Variants in ASF1A observed in about 807,000 individuals in gnomAD.
ASF1A encodes the protein histone chaperone ASF1A.
Under a neutral mutation model 22.0 loss-of-function variants are expected in ASF1A, and 5 were observed. The ratio of observed to expected loss-of-function variants is 0.23; its 90% CI spans 0.12 to 0.48. The LOEUF (loss-of-function observed/expected upper bound fraction) is 0.48. Ranked by LOEUF, ASF1A falls within the 20% of genes least tolerant of loss-of-function variation. ASF1A has a pLI of 0.99. For synonymous variants in ASF1A, 97 were observed against 86.7 expected (o/e 1.12, Z -0.66); for missense variants, 137 against 240.6 (o/e 0.57, Z 2.85).
chr6:118,894,723 T>C (rs1779231509), intron 1 of ASF1A, among the ~76,000 whole-genome samples: 1 of 152,204 alleles, frequency 6.6e-6, no homozygotes, highest in South Asian at 2.1e-4. Context: ...CCTGCCGGGC[T>C]CAACTTGCGA....
At position 118,896,632 on chromosome 6, in the gene ASF1A, A is replaced by G. The variant is rs138552192; in HGVS notation, c.109+2110A>G. Among the ~76,000 whole-genome samples the G allele has an allele frequency of 4.0e-3, 611 of 152,302 alleles. 6 individuals are homozygous for G. The highest frequency in any genetic ancestry group is 0.014 in the African/African-American group (563 of 41,566). On this transcript the variant is annotated intron_variant, in intron 1 of 3. Coordinates refer to ENST00000229595, the MANE Select transcript of ASF1A (RefSeq NM_014034.3). ...CACTTCCTAGGCACCATTACTGAGC[A>G]TTTATTTAGTATTTTAAAAAATATT...
At chr6:118,904,554 A>T (rs1780040439) in intron 2 of ASF1A, among the ~76,000 whole-genome samples, 1 of 152,102 alleles carries the variant, frequency 6.6e-6, no homozygotes, top group African/African-American at 2.4e-5. Flanking sequence ...TCTCATTACT[A>T]CCTGCACCCT....
intron 3 of ASF1A, 107 bp downstream of exon 3, chr6:118,905,935 A>G: frequency 1.2e-6 from 1 of 819,552 alleles, no homozygotes; most frequent in Non-Finnish European, 1.8e-6. Context: ...AGATAAAATA[A>G]ATATGAGGTC....
intron 2 of ASF1A, among the ~76,000 whole-genome samples, chr6:118,902,053 A>G (rs1779827075): frequency 6.6e-6 from 1 of 152,236 alleles, no homozygotes; most frequent in Non-Finnish European, 1.5e-5. Context: ...AATTTACTGT[A>G]TCTAAAGAAA....
intron 3 of ASF1A, 74 bp downstream of exon 3, chr6:118,905,902 A>G: frequency 8.8e-7 from 1 of 1,133,200 alleles, no homozygotes. Context: ...GCAATTTCAT[A>G]GTATACTATT....
intron 2 of ASF1A, among the ~76,000 whole-genome samples, chr6:118,903,566 A>G (rs532957265): frequency 5.9e-5 from 9 of 152,350 alleles, no homozygotes; most frequent in African/African-American, 2.2e-4. Flanking sequence ...ATTTGTGACA[A>G]GAAATATCAG....
Position 118,908,771 on chromosome 6 carries a change from A to G in ASF1A, c.*1157A>G, listed in dbSNP as rs1248433781. ...AAAAAATTTTCTTATGCTCCATAAA[A>G]TTGAGGTAGAATATTTTCATTATTC... On this transcript the variant is annotated 3_prime_UTR_variant, in exon 4 of 4. Coordinates refer to ENST00000229595, the MANE Select transcript of ASF1A (RefSeq NM_014034.3). 6.6e-6 allele frequency: 1 copy of G among 152,630 alleles called. No homozygotes were observed. Among genetic ancestry groups the G allele is most frequent in the Non-Finnish European group, 1.5e-5 (1 of 68,022 alleles). 9.5% of individuals were successfully genotyped at this position (152,630 alleles called of 1,614,324 possible). A position where few individuals can be genotyped will look rare whatever the true frequency, so the allele number is the denominator to read the frequency against.
At chr6:118,907,226 C>A (rs1780242797) in intron 3 of ASF1A, among the ~76,000 whole-genome samples, 176 bp from the exon 4 acceptor site, 2 of 152,148 alleles carry the variant, frequency 1.3e-5, no homozygotes, top group South Asian at 4.1e-4. Flanking sequence ...TTTGCTACAG[C>A]CCTAGTCGTT....
intron 3 of ASF1A, 40 bp from the exon 4 acceptor site, chr6:118,907,362 T>G: frequency 4.3e-6 from 6 of 1,409,068 alleles, no homozygotes; most frequent in Non-Finnish European, 5.9e-6. Flanking sequence ...GATTTAACTT[T>G]CTTAGTGTTT....
Position 118,900,897 on chromosome 6 carries a change from G to C in ASF1A, c.225+16G>C, listed in dbSNP as rs1562430473. ...TGTATTTCAGGTAAGATTAATCTTG[G>C]TAAATGTGTATGCCAAATATGTTTC... On this transcript the variant is annotated intron_variant, in intron 2 of 3. Coordinates refer to ENST00000229595, the MANE Select transcript of ASF1A (RefSeq NM_014034.3). 6.7e-7 allele frequency: 1 copy of C among 1,502,646 alleles called. No individual in the cohort carries two copies. The highest frequency in any genetic ancestry group is 9.3e-7 in the Non-Finnish European group (1 of 1,078,182). 93.1% of individuals were successfully genotyped at this position (1,502,646 alleles called of 1,614,324 possible). A position where few individuals can be genotyped will look rare whatever the true frequency, so the allele number is the denominator to read the frequency against.
chr6:118,900,714 C>A (rs1779749210), intron 1 of ASF1A, 52 bp from the exon 2 acceptor site: 1 of 1,276,694 alleles, frequency 7.8e-7, no homozygotes, highest in Non-Finnish European at 1.1e-6. Context: ...TTGATGTCAT[C>A]TGGTAATGTA....
Position 118,905,654 on chromosome 6 carries a change from T to G in ASF1A, c.228T>G (p.Ala76=), listed in dbSNP as rs1418283929. ...CTTTTCTTTTTAATTTATTCTAGGC[T>G]GATGCACCTAATCCAGGACTCATTC... ...PAGRHMFVFQ[A]DAPNPGLIPD... The change falls in exon 3 of 4, where the codon GCT becomes GCG. Residue 76 remains alanine, a splice_region_variant and synonymous_variant. Transcript: ENST00000229595. The G allele has an allele frequency of 6.2e-7, 1 of 1,606,262 alleles. No individual in the cohort carries two copies. Among genetic ancestry groups the G allele is most frequent in the African/African-American group, 1.3e-5 (1 of 74,732 alleles).
At chr6:118,896,062 CTATA>C (rs1357529767) in intron 1 of ASF1A, among the ~76,000 whole-genome samples, 3 of 147,600 alleles carry the variant, frequency 2.0e-5, no homozygotes, top group Non-Finnish European at 4.5e-5. Flanking sequence ...TTTTTTAAAC[CTATA>C]TAGAGCATAA....
At chr6:118,894,816 T>C (rs1370069122) in intron 1 of ASF1A, among the ~76,000 whole-genome samples, 1 of 152,130 alleles carries the variant, frequency 6.6e-6, no homozygotes, top group Admixed American at 6.5e-5. Flanking sequence ...CCGCACTCGC[T>C]CCCGCTGCGC....
rs1193525919 is a variant in ASF1A at position 118,903,852 on chromosome 6, G to GTAATC, written c.226-1800_226-1799insTAATC. Among the ~76,000 whole-genome samples, 43 of 152,232 alleles carry GTAATC rather than the reference G, an allele frequency of 2.8e-4. 1 individual carries two copies. Among genetic ancestry groups the GTAATC allele is most frequent in the African/African-American group, 9.9e-4 (41 of 41,542 alleles). On this transcript the variant is annotated intron_variant, in intron 2 of 3. Coordinates refer to ENST00000229595, the MANE Select transcript of ASF1A (RefSeq NM_014034.3). Reference sequence around the variant, plus strand: ...TCCACCCACCTTAGCCTCCCAAAGTGCTAGGATTACAGGCGTGAGCCACCG... The same window carrying GTAATC: ...TCCACCCACCTTAGCCTCCCAAAGTGTAATCCTAGGATTACAGGCGTGAGCCACCG...
chr6:118,904,439 A>G, intron 2 of ASF1A, among the ~76,000 whole-genome samples: 1 of 152,184 alleles, frequency 6.6e-6, no homozygotes, highest in East Asian at 1.9e-4. Flanking sequence ...GCAACAGGTA[A>G]GCTAATTTGC....
intron 2 of ASF1A, among the ~76,000 whole-genome samples, chr6:118,904,615 C>CA (rs1256627561): frequency 6.6e-6 from 1 of 152,222 alleles, no homozygotes; most frequent in African/African-American, 2.4e-5. Flanking sequence ...TAGTCTAACT[C>CA]AGTTTACTTT....
At position 118,894,273 on chromosome 6, in the gene ASF1A, G is replaced by A. The variant is rs1779184281; in HGVS notation, c.-141G>A. On this transcript the variant is annotated 5_prime_UTR_variant, in exon 1 of 4. Coordinates refer to ENST00000229595, the MANE Select transcript of ASF1A (RefSeq NM_014034.3). ...AGTGCTCCCGTGTAAATAAAAAGAG[G>A]AAAAAAGTTTCTCAAGTCGCCGCTG... The A allele has an allele frequency of 6.8e-7, 1 of 1,462,744 alleles. No individual in the cohort carries two copies. The highest frequency in any genetic ancestry group is 1.4e-5 in the African/African-American group (1 of 70,290). The allele number at this position is 1,462,744 out of a possible 1,614,324, so 90.6% of individuals were successfully genotyped here.
At chr6:118,895,867 C>T (rs1779362631) in intron 1 of ASF1A, among the ~76,000 whole-genome samples, 1 of 151,932 alleles carries the variant, frequency 6.6e-6, no homozygotes, top group African/African-American at 2.4e-5. Context: ...TTTTTAATCT[C>T]TAAAATGTAT....
Sources: gnomAD v4.1 joint callset for allele counts (sites outside exome capture counted in the v4.1 genomes callset) on GRCh38, gnomAD v4.1.1 for gene constraint, MANE v1.5 for transcripts, NCBI Gene and HGNC (gene_info 2026-07-23, HGNC 2026-07-21) for gene names.